The following KLRG1 variants were observed in gnomAD, a reference collection of about 807,000 sequenced individuals.
KLRG1 encodes killer cell lectin like receptor G1.
In KLRG1, 16 loss-of-function variants were observed where a neutral mutation model predicts 21.8. That is an observed-to-expected ratio of 0.73 (90% CI 0.50 to 1.11). The LOEUF (loss-of-function observed/expected upper bound fraction) is 1.11, where lower values mean the gene tolerates loss of function less well. Among genes scored for constraint, KLRG1 ranks in the 50% most tolerant of loss-of-function variants. The pLI is 0.00. For missense variants in KLRG1, 173 were observed against 218.3 expected (o/e 0.79, Z 1.31); for synonymous variants, 69 against 75.9 (o/e 0.91, Z 0.47).
At chr12:9,175,960 G>A in the KLRG1 span, among the ~76,000 whole-genome samples, 6 of 152,116 alleles carry the variant, frequency 3.9e-5, no homozygotes, top group African/African-American at 1.4e-4. Context: ...ATTACTGGGT[G>A]TATAGCCATA....
chr12:9,118,052 T>C, the KLRG1 span, among the ~76,000 whole-genome samples: 2 of 152,190 alleles, frequency 1.3e-5, no homozygotes, highest in Admixed American at 6.5e-5. Context: ...CATCATGCCC[T>C]GTGAGTCATG....
chr12:9,009,552 G>A lies in KLRG1; in HGVS notation c.*15G>A, dbSNP rs373402407. On this transcript the variant is annotated 3_prime_UTR_variant, in exon 5 of 5. Coordinates refer to ENST00000356986, the MANE Select transcript of KLRG1 (RefSeq NM_005810.4). ...TCAGACTTTGATAGATGACCACTCTGTCCTGACCCTCAGATCTGTCATGTA... is the reference window on the plus strand; with the variant it reads ...TCAGACTTTGATAGATGACCACTCTATCCTGACCCTCAGATCTGTCATGTA... 6.8e-6 allele frequency: 11 copies of A among 1,613,048 alleles called. No homozygotes were observed. The highest frequency in any genetic ancestry group is 8.5e-6 in the Non-Finnish European group (10 of 1,179,578).
At chr12:8,967,209 T>G in intron 1 of KLRG1, among the ~76,000 whole-genome samples, 1 of 136,990 alleles carries the variant, frequency 7.3e-6, no homozygotes, top group African/African-American at 2.7e-5. Flanking sequence ...GGGGGAGGGA[T>G]AGCATTAGGA....
chr12:9,090,096 A>AT, the KLRG1 span: 7 of 1,549,022 alleles, frequency 4.5e-6, no homozygotes, highest in Non-Finnish European at 6.1e-6. Context: ...AGATTTAGAA[A>AT]TGTTCAATGC....
chr12:9,163,874 C>T, the KLRG1 span: 2 of 1,459,088 alleles, frequency 1.4e-6, no homozygotes, highest in Non-Finnish European at 1.8e-6. Context: ...TTATAGTTGT[C>T]CAGAATAGAA....
the KLRG1 span, among the ~76,000 whole-genome samples, chr12:9,212,325 G>A: frequency 1.3e-5 from 2 of 152,178 alleles, no homozygotes; most frequent in Non-Finnish European, 2.9e-5. Flanking sequence ...CAGCCTACCA[G>A]GGCACTTGTG....
At chr12:8,962,737 G>A (rs866611898) in intron 1 of KLRG1, among the ~76,000 whole-genome samples, 329 of 148,024 alleles carry the variant, frequency 2.2e-3, no homozygotes, top group Middle Eastern at 3.5e-3. Flanking sequence ...AAAAAAGAAA[G>A]AAAGAAAAAA....
chr12:9,198,632 G>A, the KLRG1 span, among the ~76,000 whole-genome samples: 2 of 152,156 alleles, frequency 1.3e-5, no homozygotes, highest in Non-Finnish European at 2.9e-5. Context: ...GGTTATGTGT[G>A]TGTGCACATG....
chr12:9,160,696 T>C, the KLRG1 span, among the ~76,000 whole-genome samples: 36 of 152,082 alleles, frequency 2.4e-4, no homozygotes, highest in Admixed American at 4.6e-4. Context: ...GGGCGGATCA[T>C]GAGGTCAGGA....
At chr12:9,192,864 G>A in the KLRG1 span, 1 of 576,006 alleles carries the variant, frequency 1.7e-6, no homozygotes. Flanking sequence ...CCCTCATACT[G>A]GTCGACAGCC....
the KLRG1 span, chr12:9,089,137 A>C: frequency 8.0e-7 from 1 of 1,245,994 alleles, no homozygotes; most frequent in African/African-American, 1.5e-5. Context: ...TAATATATAA[A>C]TGTTCTTTGA....
the KLRG1 span, among the ~76,000 whole-genome samples, chr12:9,052,435 C>T: frequency 8.3e-4 from 127 of 152,344 alleles, no homozygotes; most frequent in African/African-American, 2.4e-3. Flanking sequence ...ACACAAGAAG[C>T]GGACAATCAC....
At chr12:9,022,332 C>T in the KLRG1 span, among the ~76,000 whole-genome samples, 1 of 152,156 alleles carries the variant, frequency 6.6e-6, no homozygotes, top group African/African-American at 2.4e-5. Flanking sequence ...TTCATGGAAT[C>T]ACGAGGCAAT....
chr12:9,165,100 G>C, the KLRG1 span: 33 of 1,590,150 alleles, frequency 2.1e-5, no homozygotes, highest in Non-Finnish European at 2.8e-5. Context: ...GGAATCTTTT[G>C]TTCTACCCAC....
At chr12:9,154,743 G>T in the KLRG1 span, 1 of 1,614,124 alleles carries the variant, frequency 6.2e-7, no homozygotes. Flanking sequence ...GAGCACATAG[G>T]ATGTCATCTC....
the KLRG1 span, chr12:9,080,018 G>T: frequency 9.6e-7 from 1 of 1,040,120 alleles, no homozygotes; most frequent in East Asian, 2.7e-5. Flanking sequence ...ATTATTTTTA[G>T]TAAATATTTA....
the KLRG1 span, among the ~76,000 whole-genome samples, chr12:9,097,129 TA>T: frequency 6.6e-6 from 1 of 152,224 alleles, no homozygotes. Context: ...TTGAGAATTA[TA>T]AAATTATATT....
At chr12:9,055,913 T>C in the KLRG1 span, among the ~76,000 whole-genome samples, 1 of 152,190 alleles carries the variant, frequency 6.6e-6, no homozygotes, top group Non-Finnish European at 1.5e-5. Flanking sequence ...TCATTTACAC[T>C]CTTCTGATAA....
At chr12:9,042,501 A>G in the KLRG1 span, among the ~76,000 whole-genome samples, 1 of 152,234 alleles carries the variant, frequency 6.6e-6, no homozygotes, top group South Asian at 2.1e-4. Flanking sequence ...AAAGTCTACT[A>G]AAAATCCCAA....
Sources: gnomAD v4.1 joint callset for allele counts (sites outside exome capture counted in the v4.1 genomes callset) on GRCh38, gnomAD v4.1.1 for gene constraint, MANE v1.5 for transcripts, NCBI Gene and HGNC (gene_info 2026-07-23, HGNC 2026-07-21) for gene names.